Variants in SEC16B observed in about 807,000 individuals in gnomAD.
SEC16B encodes the protein protein transport protein Sec16B.
In SEC16B, 115 loss-of-function variants were observed where a neutral mutation model predicts 141.8. That is an observed-to-expected ratio of 0.81 (90% CI 0.70 to 0.95). The LOEUF is 0.95. Among genes scored for constraint, SEC16B ranks in the 40% least tolerant of loss-of-function variants. The probability of loss-of-function intolerance (pLI) is 0.00; values close to 1 mark genes in which losing one functional copy is unlikely to be tolerated. For missense variants in SEC16B, 1,291 were observed against 1,312.3 expected (o/e 0.98, Z 0.25); for synonymous variants, 493 against 492.5 (o/e 1.00, Z -0.01).
chr1:177,935,073 C>T lies in SEC16B; in HGVS notation c.2571+1225G>A, dbSNP rs538522497. 3.9e-4 allele frequency among the ~76,000 whole-genome samples: 59 copies of T among 152,220 alleles called. 1 individual carries two copies. In the Middle Eastern group the frequency reaches 0.01, roughly 26 times the overall value. Reference sequence around the variant, plus strand: ...GGCCTCCAGTCCTGCTGTTTCTCTGCCTCAAACACCTTTCCCCCAGATATT... The same window carrying T: ...GGCCTCCAGTCCTGCTGTTTCTCTGTCTCAAACACCTTTCCCCCAGATATT... On this transcript the variant is annotated intron_variant, in intron 20 of 25. Transcript: ENST00000308284.
At chr1:177,944,409 GA>G (rs1651512873) in intron 15 of SEC16B, 151 bp downstream of exon 15, 2 of 627,738 alleles carry the variant, frequency 3.2e-6, no homozygotes, top group East Asian at 5.5e-5. Flanking sequence ...GACATAAAAA[GA>G]AATCCTACAC....
chr1:177,933,336 A>G (rs1439018335), intron 21 of SEC16B, 24 bp from the exon 22 acceptor site: 2 of 1,580,446 alleles, frequency 1.3e-6, no homozygotes, highest in Admixed American at 1.8e-5. Flanking sequence ...AGGACATTTT[A>G]TGACCTGCAG....
chr1:177,958,969 A>T lies in SEC16B; in HGVS notation c.1005T>A (p.Asp335Glu), dbSNP rs188833273. 2 of 1,612,900 alleles carry T rather than the reference A, an allele frequency of 1.2e-6. No homozygotes were observed. The highest frequency in any genetic ancestry group is 1.3e-5 in the African/African-American group (1 of 75,030). ...ACGTCATAATATCCACCTTATGTAC[A>T]TCTTCCCTACATGGAAAAAATTTAG... is the stretch of plus-strand genomic sequence containing the variant. ...RSFSGPLIRE[D>E]VHKVDIMTFC... is the part of the protein sequence containing the mutation. The change falls in exon 9 of 26, where the codon GAT becomes GAA. Residue 335 changes from aspartate to glutamate, a missense_variant. Physicochemically the swap from Asp to Glu is conservative, Grantham distance 45. This residue lies in a region of SEC16B where 681 missense variants were observed against 675.5 expected (regional missense o/e 1.01). Transcript: ENST00000308284.
chr1:177,934,267 T>C (rs1206951059), intron 20 of SEC16B, among the ~76,000 whole-genome samples: 1 of 152,148 alleles, frequency 6.6e-6, no homozygotes, highest in Non-Finnish European at 1.5e-5. Flanking sequence ...TCTCCAGAAC[T>C]TTTTCATCAT....
Position 177,929,639 on chromosome 1 carries a change from T to G in SEC16B, c.*219A>C, listed in dbSNP as rs1286455949. 8.8e-6 allele frequency: 5 copies of G among 566,570 alleles called. No individual in the cohort carries two copies. The highest frequency in any genetic ancestry group is 1.3e-5 in the Non-Finnish European group (4 of 314,770). The allele number at this position is 566,570 out of a possible 1,614,324, so 35.1% of individuals were successfully genotyped here. A position where few individuals can be genotyped will look rare whatever the true frequency, so the allele number is the denominator to read the frequency against. Reference sequence around the variant, plus strand: ...TATTAGACCCAGACTTTCCACCTGATGAAATAATTTCCATCATTGTGAAGC... The same window carrying G: ...TATTAGACCCAGACTTTCCACCTGAGGAAATAATTTCCATCATTGTGAAGC... On this transcript the variant is annotated 3_prime_UTR_variant, in exon 26 of 26. Coordinates refer to ENST00000308284, the MANE Select transcript of SEC16B (RefSeq NM_033127.4).
Position 177,947,712 on chromosome 1 carries a change from AGGGAGGGGAGGTGAGGAGAGGGACG to A in SEC16B, c.1663+88_1663+112del, listed in dbSNP as rs1188283178. ...CTGGACGGGGAGGGGAGGTGAGGAG[AGGGAGGGGAGGTGAGGAGAGGGACG>A]GGGAGGGGAGGTGAGGAAAGGGACA... On this transcript the variant is annotated intron_variant, in intron 13 of 25. Transcript: ENST00000308284. 86 of 343,636 alleles carry A rather than the reference AGGGAGGGGAGGTGAGGAGAGGGACG, an allele frequency of 2.5e-4. 1 individual carries two copies. The highest frequency in any genetic ancestry group is 5.4e-4 in the Admixed American group (13 of 24,114). 21.3% of individuals were successfully genotyped at this position (343,636 alleles called of 1,614,324 possible). A position where few individuals can be genotyped will look rare whatever the true frequency, so the allele number is the denominator to read the frequency against.
At chr1:177,959,062 G>A in intron 8 of SEC16B, 87 bp from the exon 9 acceptor site, 2 of 1,378,328 alleles carry the variant, frequency 1.5e-6, no homozygotes, top group Non-Finnish European at 2.0e-6. Context: ...GTGTGCAAGT[G>A]CTGGCTGGGC....
intron 3 of SEC16B, 121 bp from the exon 4 acceptor site, chr1:177,965,288 C>A: frequency 8.0e-7 from 1 of 1,254,980 alleles, no homozygotes; most frequent in Non-Finnish European, 1.1e-6. Context: ...ACATATTTTC[C>A]AAATTGAAAA....
intron 1 of SEC16B, among the ~76,000 whole-genome samples, chr1:177,968,574 A>G (rs1653734956): frequency 6.6e-6 from 1 of 152,344 alleles, no homozygotes; most frequent in African/African-American, 2.4e-5. Flanking sequence ...AAGATAACCT[A>G]TGCGAAGTGC....
Position 177,958,285 on chromosome 1 carries a change from A to T in SEC16B, c.1212T>A (p.Pro404=). The T allele has an allele frequency of 6.2e-7, 1 of 1,610,632 alleles. No individual in the cohort carries two copies. Among genetic ancestry groups the T allele is most frequent in the Non-Finnish European group, 8.5e-7 (1 of 1,178,354 alleles). ...KKLEKYKRQP[P]VANLINLTDE... Reference sequence around the variant, plus strand: ...CGGTCAGGTTGATGAGGTTGGCCACAGGGGGCTGCCGCTTGTACTTCTCCA... The same window carrying T: ...CGGTCAGGTTGATGAGGTTGGCCACTGGGGGCTGCCGCTTGTACTTCTCCA... The change falls in exon 10 of 26, where the codon CCT becomes CCA. Residue 404 remains proline (P), a synonymous_variant. Transcript: ENST00000308284.
rs755727374 is a variant in SEC16B, at chr1:177,960,971, T to C, written c.788-32A>G. ...ACCAACAGACACAGATGGACATTGT[T>C]AGCGTTACTTCCATCACTTTTCTTT... is the stretch of plus-strand genomic sequence containing the variant. On this transcript the variant is annotated intron_variant, in intron 6 of 25. Transcript: ENST00000308284. 2.6e-5 allele frequency: 40 copies of C among 1,558,336 alleles called. No homozygotes were observed. The East Asian group carries it at 7.7e-4, about 30-fold the overall frequency.
intron 1 of SEC16B, 39 bp from the exon 2 acceptor site, chr1:177,968,078 G>T: frequency 8.1e-7 from 1 of 1,233,416 alleles, no homozygotes; most frequent in Non-Finnish European, 1.1e-6. Context: ...ATCACTTGAA[G>T]CCTATATCCA....
intron 15 of SEC16B, among the ~76,000 whole-genome samples, chr1:177,943,823 G>A (rs981802073): frequency 2.0e-5 from 3 of 152,156 alleles, no homozygotes; most frequent in African/African-American, 7.2e-5. Context: ...CCATTACAAG[G>A]CACCACTCTC....
chr1:177,937,541 G>A (rs760942222), intron 18 of SEC16B, 28 bp from the exon 19 acceptor site: 31 of 1,476,418 alleles, frequency 2.1e-5, no homozygotes, highest in Non-Finnish European at 2.5e-5. Flanking sequence ...AGGTAAAGAA[G>A]TCAGACCTGA....
At chr1:177,943,023 G>C (rs537069086) in intron 15 of SEC16B, among the ~76,000 whole-genome samples, 1 of 152,280 alleles carries the variant, frequency 6.6e-6, no homozygotes, top group East Asian at 1.9e-4. Context: ...CCGGGCCTCC[G>C]TTTTCTCTTT....
intron 12 of SEC16B, among the ~76,000 whole-genome samples, chr1:177,950,981 G>A (rs1362063152): frequency 8.8e-6 from 1 of 114,114 alleles, no homozygotes; most frequent in Non-Finnish European, 1.8e-5. Context: ...AGGGAGGGAG[G>A]GAGGGGAGGG....
intron 10 of SEC16B, among the ~76,000 whole-genome samples, chr1:177,956,087 G>C (rs1003924765): frequency 7.9e-5 from 12 of 152,322 alleles, no homozygotes; most frequent in Middle Eastern, 3.4e-3. Flanking sequence ...ACTGGCCATA[G>C]CCTCAGAATA....
intron 5 of SEC16B, 136 bp from the exon 6 acceptor site, chr1:177,961,870 G>A (rs1464136364): frequency 1.2e-6 from 1 of 854,238 alleles, no homozygotes. Context: ...CAAGTTGATA[G>A]GCATTTGCCA....
At chr1:177,973,477 A>C (rs1266282714), upstream of SEC16B, among the ~76,000 whole-genome samples, 1 of 152,250 alleles carries the variant, frequency 6.6e-6, no homozygotes, top group Non-Finnish European at 1.5e-5. Context: ...AGGCAAAATT[A>C]ACTGACATTA....
Sources: gnomAD v4.1 joint callset for allele counts (sites outside exome capture counted in the v4.1 genomes callset) on GRCh38, gnomAD v4.1.1 for gene constraint, gnomAD v4.1.1 regional missense constraint, MANE v1.5 for transcripts, NCBI Gene and HGNC (gene_info 2026-07-23, HGNC 2026-07-21) for gene names.